The following KAZN variants were observed in gnomAD, a reference collection of about 807,000 sequenced individuals.
KAZN encodes kazrin.
Under a neutral mutation model 87.4 loss-of-function variants are expected in KAZN, and 40 were observed. That is an observed-to-expected ratio of 0.46 (90% confidence interval 0.36 to 0.60). The LOEUF (loss-of-function observed/expected upper bound fraction) is 0.60. Among genes scored for constraint, KAZN ranks in the 20% least tolerant of loss-of-function variants. KAZN has a pLI of 0.00. For missense variants in KAZN, 898 were observed against 1,073.9 expected (o/e 0.84, Z 2.29); for synonymous variants, 466 against 458.3 (o/e 1.02, Z -0.22).
chr1:14,104,822 T>G (rs1221612406), intron 1 of KAZN, among the ~76,000 whole-genome samples: 1 of 152,236 alleles, frequency 6.6e-6, no homozygotes, highest in African/African-American at 2.4e-5. Flanking sequence ...TGGTTTTGTT[T>G]TATTCCTAAT....
In KAZN at chr1:13,919,376, C is replaced by A. The variant is rs1276949127; in HGVS notation, c.91+25620C>A. 3.9e-5 allele frequency among the ~76,000 whole-genome samples: 6 copies of A among 152,180 alleles called. No individual in the cohort carries two copies. The East Asian group carries it at 9.6e-4, about 24-fold the overall frequency. On this transcript the variant is annotated intron_variant, in intron 1 of 16. Transcript: ENST00000636203. ...TGGGATTTCTCCATGTTGTGTGCAGCAGTAGTTGGCTCTTTTTCATTACTA... is the reference window on the plus strand; with the variant it reads ...TGGGATTTCTCCATGTTGTGTGCAGAAGTAGTTGGCTCTTTTTCATTACTA...
chr1:14,032,940 C>T (rs1462603187), intron 1 of KAZN, among the ~76,000 whole-genome samples: 1 of 152,146 alleles, frequency 6.6e-6, no homozygotes, highest in Non-Finnish European at 1.5e-5. Flanking sequence ...GCCCTGGACT[C>T]TTCACCAGCG....
intron 1 of KAZN, among the ~76,000 whole-genome samples, chr1:14,176,397 AC>A (rs1372546037): frequency 6.6e-6 from 1 of 152,186 alleles, no homozygotes; most frequent in African/African-American, 2.4e-5. Flanking sequence ...TTAAAATGCC[AC>A]AGGGTCACCA....
chr1:14,796,899 G>T (rs1422557092), intron 1 of KAZN, among the ~76,000 whole-genome samples: 1 of 152,188 alleles, frequency 6.6e-6, no homozygotes, highest in East Asian at 2.0e-4. Flanking sequence ...CCACTCAGTG[G>T]TGAGGGCAGC....
chr1:14,334,390 A>AAAAAAAAAG (rs1657078457), intron 2 of KAZN, among the ~76,000 whole-genome samples: 1 of 142,502 alleles, frequency 7.0e-6, no homozygotes, highest in Admixed American at 7.0e-5. Flanking sequence ...AAAAAAAAAA[A>AAAAAAAAAG]GGAAATGGGA....
At chr1:14,950,724 A>C (rs1662377253) in intron 1 of KAZN, among the ~76,000 whole-genome samples, 1 of 152,104 alleles carries the variant, frequency 6.6e-6, no homozygotes, top group Non-Finnish European at 1.5e-5. Flanking sequence ...CAAGACTCCC[A>C]ACCCCACTCA....
chr1:14,386,991 T>C (rs1039185955), intron 2 of KAZN, among the ~76,000 whole-genome samples: 6 of 152,196 alleles, frequency 3.9e-5, no homozygotes, highest in Non-Finnish European at 7.3e-5. Flanking sequence ...CGTCCCATAT[T>C]TCTTGGGAGG....
In KAZN at chr1:15,063,679, C is replaced by A. The variant is rs956213402; in HGVS notation, c.1098+57C>A. On this transcript the variant is annotated intron_variant, in intron 7 of 14. Coordinates refer to ENST00000376030, the MANE Select transcript of KAZN (RefSeq NM_201628.3). ...TCCCTCCACCCCACCTTGACTACAA[C>A]TTCACCCTCTGTTCCCCTGAGCCCA... The A allele has an allele frequency of 1.9e-5, 26 of 1,380,150 alleles. No homozygotes were observed. In the African/African-American group the frequency reaches 3.3e-4, roughly 18 times the overall value. The allele number at this position is 1,380,150 out of a possible 1,614,324, so 85.5% of individuals were successfully genotyped here.
intron 8 of KAZN, among the ~76,000 whole-genome samples, chr1:15,091,972 G>A (rs1186480251): frequency 1.6e-5 from 2 of 122,312 alleles, no homozygotes; most frequent in Non-Finnish European, 3.2e-5. Flanking sequence ...CTCTATGGAT[G>A]GATAAGCATT....
intron 1 of KAZN, among the ~76,000 whole-genome samples, chr1:14,784,976 T>TC (rs1391432156): frequency 1.3e-5 from 2 of 151,872 alleles, no homozygotes; most frequent in Non-Finnish European, 2.9e-5. Context: ...TTACTTTTTT[T>TC]TTTTTTTTTT....
Position 14,765,174 on chromosome 1 carries a change from C to G in KAZN, c.226+165951C>G, listed in dbSNP as rs1644852775. Among the ~76,000 whole-genome samples, 3 of 152,170 alleles carry G rather than the reference C, an allele frequency of 2.0e-5. No homozygotes were observed. In the South Asian group the frequency reaches 6.2e-4, roughly 31 times the overall value. On this transcript the variant is annotated intron_variant, in intron 1 of 14. Transcript: ENST00000376030. ...GCATGGTAGGGTGCTCAACAGCATC[C>G]CTGGCCTCTACCCACCAGATGCCAG...
rs1294865816 is a variant in KAZN, at chr1:14,923,333, A to C, written c.227-37351A>C. Among the ~76,000 whole-genome samples, 4 of 152,282 alleles carry C rather than the reference A, an allele frequency of 2.6e-5. No homozygotes were observed. In the East Asian group the frequency reaches 7.7e-4, roughly 29 times the overall value. ...CAGATCAAAGGGGGCTCAGAGCTGC[A>C]CACTTACTTCACAGGAGCACTGCCA... is the stretch of plus-strand genomic sequence containing the variant. On this transcript the variant is annotated intron_variant, in intron 1 of 14. Coordinates refer to ENST00000376030, the MANE Select transcript of KAZN (RefSeq NM_201628.3). This position sits in a 1 kb window ranked among gnomAD's most constrained non-coding sequence, Gnocchi z 4.2.
intron 2 of KAZN, among the ~76,000 whole-genome samples, chr1:14,554,346 C>T (rs898503271): frequency 1.3e-5 from 2 of 152,204 alleles, no homozygotes; most frequent in Admixed American, 6.5e-5. Flanking sequence ...ATCACCCAGG[C>T]ATCCCCACCT....
chr1:14,540,106 A>G (rs1174009865), intron 2 of KAZN, among the ~76,000 whole-genome samples: 1 of 152,196 alleles, frequency 6.6e-6, no homozygotes, highest in Non-Finnish European at 1.5e-5. Context: ...AGCCCCTGGA[A>G]GTGCTGCTAA....
intron 8 of KAZN, among the ~76,000 whole-genome samples, chr1:15,087,917 C>T (rs4661575): frequency 0.39 from 59,112 of 152,074 alleles, 13,202 homozygotes; most frequent in East Asian, 0.91. Flanking sequence ...TTAAGCGTTC[C>T]TATCATCCCC....
At chr1:14,571,141 T>C (rs1403855932) in intron 2 of KAZN, among the ~76,000 whole-genome samples, 1 of 151,802 alleles carries the variant, frequency 6.6e-6, no homozygotes, top group East Asian at 1.9e-4. Flanking sequence ...TTTTTATTTG[T>C]TTTTTTATAA....
chr1:14,069,806 G>C (rs1211340581), intron 1 of KAZN, among the ~76,000 whole-genome samples: 2 of 152,148 alleles, frequency 1.3e-5, no homozygotes, highest in African/African-American at 2.4e-5. Flanking sequence ...ACAAGACAAG[G>C]CCATCCTAGG....
intron 4 of KAZN, among the ~76,000 whole-genome samples, chr1:15,054,071 G>A (rs1372530456): frequency 6.6e-6 from 1 of 152,082 alleles, no homozygotes; most frequent in Admixed American, 6.5e-5. Context: ...AGTGCATCAG[G>A]CATTAGGCCA....
intron 1 of KAZN, among the ~76,000 whole-genome samples, chr1:13,933,112 T>C (rs1415504143): frequency 6.6e-6 from 1 of 152,196 alleles, no homozygotes; most frequent in Non-Finnish European, 1.5e-5. Flanking sequence ...AAGGCGTTAT[T>C]TGGGTTTCAC....
Sources: gnomAD v4.1 joint callset for allele counts (sites outside exome capture counted in the v4.1 genomes callset) on GRCh38, gnomAD v4.1.1 for gene constraint, Gnocchi (gnomAD v3.1) non-coding constraint, MANE v1.5 for transcripts, NCBI Gene and HGNC (gene_info 2026-07-23, HGNC 2026-07-21) for gene names.